ESR1: variants seen among roughly 807,000 people sequenced by gnomAD.
ESR1 encodes the protein estrogen receptor 1.
A neutral mutation model predicts 52.7 loss-of-function variants in ESR1; 12 were observed. The ratio of observed to expected loss-of-function variants is 0.23; its 90% CI spans 0.15 to 0.37. ESR1 has a LOEUF of 0.37. Ranked by LOEUF, ESR1 falls within the 10% of genes least tolerant of loss-of-function variation. The pLI, the probability that ESR1 is intolerant of heterozygous loss-of-function variation, is 1.00. For synonymous variants in ESR1, 305 were observed against 316.8 expected, an observed-to-expected ratio of 0.96 and a Z score of 0.39; for missense variants, 584 against 779.7, an observed-to-expected ratio of 0.75 and a Z score of 2.99.
At chr6:151,673,290 C>T (rs182920208) in intron 1 of ESR1, among the ~76,000 whole-genome samples, 23 of 152,266 alleles carry the variant, frequency 1.5e-4, no homozygotes, top group Admixed American at 2.6e-4. Flanking sequence ...AAATTTTAAT[C>T]AAGTTCTTGG....
intron 3 of ESR1, among the ~76,000 whole-genome samples, chr6:151,903,205 C>T (rs754100498): frequency 1.3e-5 from 2 of 152,148 alleles, no homozygotes; most frequent in African/African-American, 2.4e-5. Flanking sequence ...CTCTTTAGCT[C>T]ATTTAGAATT....
intron 1 of ESR1, among the ~76,000 whole-genome samples, chr6:151,816,471 A>G (rs991571666): frequency 1.3e-5 from 2 of 152,240 alleles, no homozygotes; most frequent in African/African-American, 2.4e-5. Context: ...TCTAGGGCTT[A>G]TAACATTCCT....
At chr6:152,011,227 A>G (rs936446813) in intron 4 of ESR1, among the ~76,000 whole-genome samples, 4 of 152,140 alleles carry the variant, frequency 2.6e-5, no homozygotes, top group African/African-American at 9.6e-5. Flanking sequence ...AGTGACTTTC[A>G]TTCTGCCTGT....
intron 2 of ESR1, among the ~76,000 whole-genome samples, chr6:151,798,177 C>T (rs1776890835): frequency 6.6e-6 from 1 of 152,050 alleles, no homozygotes; most frequent in African/African-American, 2.4e-5. Context: ...TAAGGGAGAA[C>T]ACATTGGCTG....
chr6:151,760,970 T>A (rs957683322), intron 2 of ESR1, among the ~76,000 whole-genome samples: 1 of 152,258 alleles, frequency 6.6e-6, no homozygotes, highest in African/African-American at 2.4e-5. Flanking sequence ...CATACTGATA[T>A]GTTTCAGTAC....
intron 4 of ESR1, among the ~76,000 whole-genome samples, chr6:151,962,613 CAAACA>C (rs769552119): frequency 2.0e-5 from 3 of 152,214 alleles, no homozygotes; most frequent in South Asian, 2.1e-4. Flanking sequence ...ACCAACCAAA[CAAACA>C]AAACAAAAGT....
intron 3 of ESR1, among the ~76,000 whole-genome samples, chr6:151,919,641 A>C (rs1474542596): frequency 6.6e-6 from 1 of 152,222 alleles, no homozygotes; most frequent in African/African-American, 2.4e-5. Context: ...TTGACATTAC[A>C]CAGTCATTTA....
intron 2 of ESR1, among the ~76,000 whole-genome samples, chr6:151,723,644 G>A (rs760170169): frequency 2.6e-5 from 4 of 152,108 alleles, no homozygotes; most frequent in East Asian, 3.9e-4. Flanking sequence ...CGAGGTGGTC[G>A]GATCACCTGA....
upstream of ESR1, among the ~76,000 whole-genome samples, chr6:151,688,768 ATTAT>A (rs1475994495): frequency 2.6e-5 from 4 of 152,286 alleles, no homozygotes; most frequent in East Asian, 7.7e-4. Flanking sequence ...TAATCTATGG[ATTAT>A]TTAAAGTATA....
upstream of ESR1, among the ~76,000 whole-genome samples, chr6:151,686,088 T>TTTTTA (rs142764831): frequency 0.024 from 3,408 of 142,334 alleles, 166 homozygotes; most frequent in East Asian, 0.19. Flanking sequence ...TTTTTTTTTT[T>TTTTTA]ATTTAGAGAC....
chr6:151,670,169 G>A (rs868351141), intron 1 of ESR1, among the ~76,000 whole-genome samples: 6 of 152,128 alleles, frequency 3.9e-5, no homozygotes, highest in East Asian at 1.9e-4. Flanking sequence ...CAAGATGGTC[G>A]TGGCCGGGCC....
chr6:152,099,207 T>C lies in ESR1; in HGVS notation c.*241T>C. The C allele has an allele frequency of 1.8e-6, 1 of 562,992 alleles. No individual in the cohort carries two copies. Among genetic ancestry groups the C allele is most frequent in the Non-Finnish European group, 3.2e-6 (1 of 310,006 alleles). 34.9% of individuals were successfully genotyped at this position (562,992 alleles called of 1,614,324 possible). On this transcript the variant is annotated 3_prime_UTR_variant, in exon 8 of 8. Transcript: ENST00000206249. ...CTTTGTAACAGCTCTCTTTCCCCCT[T>C]GCTATGTTACTAAGCGTGAGGATTC...
chr6:152,005,186 G>A lies in ESR1; in HGVS notation c.1097-6470G>A, dbSNP rs545869091. ...GGTGTATGAAGACAGCTGCATTCTG[G>A]ACATGCTAAACATCTTGAAATGCTT... On this transcript the variant is annotated intron_variant, in intron 4 of 7. Transcript: ENST00000206249. Among the ~76,000 whole-genome samples the A allele has an allele frequency of 2.0e-5, 3 of 152,030 alleles. No homozygotes were observed. The South Asian group carries it at 6.2e-4, about 32-fold the overall frequency.
intron 6 of ESR1, among the ~76,000 whole-genome samples, chr6:152,117,354 C>T (rs930299605): frequency 5.9e-5 from 9 of 152,198 alleles, no homozygotes; most frequent in African/African-American, 1.7e-4. Context: ...GAGCTGGGAA[C>T]GCACATCTGT....
At chr6:151,723,412 G>C (rs1406802656) in intron 2 of ESR1, among the ~76,000 whole-genome samples, 1 of 152,202 alleles carries the variant, frequency 6.6e-6, no homozygotes, top group African/African-American at 2.4e-5. Flanking sequence ...AGGCAGAAGG[G>C]GTTAGGGGAT....
chr6:151,973,274 G>T (rs1293396153), intron 4 of ESR1, among the ~76,000 whole-genome samples: 1 of 152,180 alleles, frequency 6.6e-6, no homozygotes, highest in Non-Finnish European at 1.5e-5. Context: ...GCTTAGAGGG[G>T]TTGAGTAATT....
At chr6:151,932,064 C>T (rs1463452824) in intron 3 of ESR1, among the ~76,000 whole-genome samples, 30 of 149,260 alleles carry the variant, frequency 2.0e-4, no homozygotes, top group Non-Finnish European at 3.2e-4. Flanking sequence ...TTTACAGTCC[C>T]ACCAACAGTG....
chr6:152,086,881 G>A (rs116256734), intron 6 of ESR1, among the ~76,000 whole-genome samples: 73 of 152,184 alleles, frequency 4.8e-4, no homozygotes, highest in African/African-American at 1.6e-3. Context: ...ATTGGGTTAC[G>A]AGCAGGCTCT....
At position 152,102,784 on chromosome 6, in the gene ESR1, A is replaced by G. The variant is rs1273123611; in HGVS notation, c.*3818A>G. The G allele has an allele frequency of 9.0e-6, 2 of 221,884 alleles. No homozygotes were observed. The highest frequency in any genetic ancestry group is 4.5e-5 in the African/African-American group (2 of 44,620). 13.7% of individuals were successfully genotyped at this position (221,884 alleles called of 1,614,324 possible). A position where few individuals can be genotyped will look rare whatever the true frequency, so the allele number is the denominator to read the frequency against. ...AATTTCTATTCTTTTTTTTGCATCC[A>G]ATTGTGCCTGAACTTTTAAAATATG... On this transcript the variant is annotated 3_prime_UTR_variant, in exon 8 of 8. Coordinates refer to ENST00000206249, the MANE Select transcript of ESR1 (RefSeq NM_000125.4).
Sources: gnomAD v4.1 joint callset for allele counts (sites outside exome capture counted in the v4.1 genomes callset) on GRCh38, gnomAD v4.1.1 for gene constraint, MANE v1.5 for transcripts, NCBI Gene and HGNC (gene_info 2026-07-23, HGNC 2026-07-21) for gene names.